The following MAGI3 variants were observed in gnomAD, a reference collection of about 807,000 sequenced individuals.
MAGI3 encodes membrane associated guanylate kinase, WW and PDZ domain containing 3.
MAGI3 carries 43 observed loss-of-function variants against 121.8 expected under a neutral mutation model. The observed-to-expected ratio is 0.35, with a 90% CI of 0.28 to 0.46. The LOEUF (loss-of-function observed/expected upper bound fraction) is 0.46, where lower values mean the gene tolerates loss of function less well. Among genes scored for constraint, MAGI3 ranks in the 20% least tolerant of loss-of-function variants. The pLI, the probability that MAGI3 is intolerant of heterozygous loss-of-function variation, is 1.00. For missense variants in MAGI3, 1,547 were observed against 1,797.3 expected (o/e 0.86, Z 2.52); for synonymous variants, 553 against 639.3 (o/e 0.86, Z 2.04).
chr1:113,587,029 A>G (rs1372147511), intron 4 of MAGI3, among the ~76,000 whole-genome samples: 3 of 152,222 alleles, frequency 2.0e-5, no homozygotes, highest in Admixed American at 6.5e-5. Context: ...ATTGAATTAC[A>G]TATTTCTTTG....
At chr1:113,643,198 T>C (rs1400052540) in intron 10 of MAGI3, among the ~76,000 whole-genome samples, 1 of 152,250 alleles carries the variant, frequency 6.6e-6, no homozygotes, top group South Asian at 2.1e-4. Context: ...CTTAAATCCA[T>C]ACTTATAAGT....
intron 1 of MAGI3, among the ~76,000 whole-genome samples, chr1:113,395,942 ACT>A (rs1651088977): frequency 6.6e-6 from 1 of 151,930 alleles, no homozygotes. Context: ...ATGTAACATA[ACT>A]CTGTGTTCCT....
At chr1:113,432,432 A>G (rs925741003) in intron 1 of MAGI3, among the ~76,000 whole-genome samples, 1 of 152,272 alleles carries the variant, frequency 6.6e-6, no homozygotes, top group Non-Finnish European at 1.5e-5. Flanking sequence ...TTTAACCACT[A>G]TGCTATACTT....
chr1:113,515,385 A>C (rs552874053), intron 1 of MAGI3, among the ~76,000 whole-genome samples: 1 of 152,136 alleles, frequency 6.6e-6, no homozygotes, highest in African/African-American at 2.4e-5. Flanking sequence ...AATTTTTACT[A>C]TCTCTTCTCA....
intron 1 of MAGI3, among the ~76,000 whole-genome samples, chr1:113,401,147 C>T (rs528039411): frequency 1.8e-4 from 28 of 152,238 alleles, no homozygotes; most frequent in Non-Finnish European, 3.4e-4. Context: ...GAGATTAACA[C>T]GTGAAAGTTC....
chr1:113,542,653 T>C (rs1659344233), intron 1 of MAGI3, among the ~76,000 whole-genome samples: 1 of 152,164 alleles, frequency 6.6e-6, no homozygotes, highest in Admixed American at 6.5e-5. Context: ...GACTGTGTCA[T>C]GGAAAAGTAG....
chr1:113,646,416 T>C, intron 11 of MAGI3, 70 bp from the exon 12 acceptor site: 28 of 1,275,656 alleles, frequency 2.2e-5, no homozygotes, highest in Non-Finnish European at 3.0e-5. Context: ...CCATTTCAGA[T>C]ATCAGTTTTA....
intron 1 of MAGI3, among the ~76,000 whole-genome samples, chr1:113,443,309 T>C (rs1332291095): frequency 6.6e-6 from 1 of 152,196 alleles, no homozygotes; most frequent in Non-Finnish European, 1.5e-5. Flanking sequence ...ATGCACAGAA[T>C]ATAGTAATGT....
At chr1:113,628,842 C>G (rs773178391) in intron 9 of MAGI3, among the ~76,000 whole-genome samples, 2 of 152,026 alleles carry the variant, frequency 1.3e-5, no homozygotes, top group African/African-American at 2.4e-5. Flanking sequence ...TCTTAGGATC[C>G]TTTCTTTATC....
At chr1:113,420,983 G>A (rs866576086) in intron 1 of MAGI3, among the ~76,000 whole-genome samples, 1 of 151,916 alleles carries the variant, frequency 6.6e-6, no homozygotes, top group African/African-American at 2.4e-5. Flanking sequence ...TTCTCCATAC[G>A]TTTTTAATGA....
chr1:113,494,953 C>G (rs1352531920), intron 1 of MAGI3, among the ~76,000 whole-genome samples: 3 of 151,990 alleles, frequency 2.0e-5, no homozygotes, highest in Non-Finnish European at 4.4e-5. Flanking sequence ...AATATGTCCT[C>G]AAAAAGGGGG....
chr1:113,455,135 C>T (rs1654682135), intron 1 of MAGI3, among the ~76,000 whole-genome samples: 1 of 152,014 alleles, frequency 6.6e-6, no homozygotes, highest in South Asian at 2.1e-4. Context: ...CATAGAAATA[C>T]AGTAGGATAA....
intron 10 of MAGI3, 31 bp from the exon 11 acceptor site, chr1:113,643,712 G>T (rs1652676505): frequency 6.2e-7 from 1 of 1,610,978 alleles, no homozygotes; most frequent in Non-Finnish European, 8.5e-7. Context: ...GCATCCTCTG[G>T]TTTTAAACTT....
chr1:113,426,948 A>G (rs1025162413), intron 1 of MAGI3, among the ~76,000 whole-genome samples: 5 of 151,592 alleles, frequency 3.3e-5, no homozygotes, highest in African/African-American at 4.9e-5. Flanking sequence ...ATATATCTGT[A>G]TCTATCTATA....
rs550590090 is a variant in MAGI3 at position 113,634,534 on chromosome 1, C to T, written c.1361-7377C>T. 1.3e-3 allele frequency among the ~76,000 whole-genome samples: 203 copies of T among 152,270 alleles called. 1 individual carries two copies. The highest frequency in any genetic ancestry group is 4.7e-3 in the African/African-American group (197 of 41,546). On this transcript the variant is annotated intron_variant, in intron 9 of 20. Coordinates refer to ENST00000307546, the MANE Select transcript of MAGI3 (RefSeq NM_001142782.2). The stretch of plus-strand genomic sequence containing the variant: ...TGTTTTTCTCAGGTTTGTCGAAGAT[C>T]AGATAGTTGTAGATGTGCGGCGTTA...
intron 16 of MAGI3, among the ~76,000 whole-genome samples, chr1:113,669,406 G>A (rs1433414594): frequency 6.6e-6 from 1 of 152,210 alleles, no homozygotes; most frequent in African/African-American, 2.4e-5. Flanking sequence ...TGTGATCACA[G>A]TGTGCTTAAG....
chr1:113,494,262 C>A (rs1272574190), intron 1 of MAGI3, among the ~76,000 whole-genome samples: 1 of 152,076 alleles, frequency 6.6e-6, no homozygotes, highest in Non-Finnish European at 1.5e-5. Flanking sequence ...AACACAGGAA[C>A]AGAAAACCAA....
At chr1:113,486,397 T>G (rs983570626) in intron 1 of MAGI3, among the ~76,000 whole-genome samples, 6 of 152,184 alleles carry the variant, frequency 3.9e-5, no homozygotes, top group Admixed American at 3.9e-4. Context: ...AGCAGTGTTT[T>G]GTAGTTTTCC....
intron 1 of MAGI3, among the ~76,000 whole-genome samples, chr1:113,443,480 A>G (rs1309994493): frequency 6.6e-6 from 1 of 152,178 alleles, no homozygotes; most frequent in African/African-American, 2.4e-5. Context: ...CCTCATTAGA[A>G]GTTTTACTCT....
Sources: gnomAD v4.1 joint callset for allele counts (sites outside exome capture counted in the v4.1 genomes callset) on GRCh38, gnomAD v4.1.1 for gene constraint, MANE v1.5 for transcripts, NCBI Gene and HGNC (gene_info 2026-07-23, HGNC 2026-07-21) for gene names.